Variants in ATP2B2 observed in about 807,000 individuals in gnomAD.
ATP2B2 encodes the protein plasma membrane calcium-transporting ATPase 2.
In ATP2B2, 15 loss-of-function variants were observed where a neutral mutation model predicts 120.0. The ratio of observed to expected loss-of-function variants is 0.12; its 90% CI spans 0.08 to 0.19. The LOEUF is 0.19. Among genes scored for constraint, ATP2B2 ranks in the 10% least tolerant of loss-of-function variants. The pLI is 1.00. For missense variants in ATP2B2, 1,045 were observed against 1,719.8 expected, an observed-to-expected ratio of 0.61 and a Z score of 6.94; for synonymous variants, 694 against 700.3, an observed-to-expected ratio of 0.99 and a Z score of 0.14.
chr3:10,579,810 G>GAAAACAAAACAAAAC (rs59097062), intron 2 of ATP2B2, among the ~76,000 whole-genome samples: 30,726 of 146,174 alleles, frequency 0.21, 3,446 homozygotes, highest in East Asian at 0.38. Flanking sequence ...ACTCCGTCTT[G>GAAAACAAAACAAAAC]AAAACAAAAC....
intron 2 of ATP2B2, among the ~76,000 whole-genome samples, chr3:10,545,995 T>C (rs967930310): frequency 2.0e-5 from 3 of 152,206 alleles, no homozygotes; most frequent in African/African-American, 7.2e-5. Context: ...AAACAAGATA[T>C]AAGGGGAAAG....
intron 1 of ATP2B2, among the ~76,000 whole-genome samples, chr3:10,471,364 C>CTGAGTGTGTGTGTGTGTG (rs1221371075): frequency 9.7e-4 from 146 of 150,464 alleles, no homozygotes; most frequent in African/African-American, 2.5e-3. Flanking sequence ...TTCAGGAAAC[C>CTGAGTGTGTGTGTGTGTG]TGTGTGTGTG....
chr3:10,347,240 C>A lies in ATP2B2; in HGVS notation c.2405-1103G>T, dbSNP rs1190243374. Among the ~76,000 whole-genome samples, 1 of 152,246 alleles carries A rather than the reference C, an allele frequency of 6.6e-6. No individual in the cohort carries two copies. Among genetic ancestry groups the A allele is most frequent in the African/African-American group, 2.4e-5 (1 of 41,466 alleles). On this transcript the variant is annotated intron_variant, in intron 16 of 22. Transcript: ENST00000360273. The surrounding 1 kb of genome is among the most constrained non-coding windows in gnomAD (Gnocchi z 5.2). The stretch of plus-strand genomic sequence containing the variant: ...TACGGTCCCACAGAGCTAGCTCTCA[C>A]TGGCCCTGTGTCTGGGCAGGCTGTT...
intron 2 of ATP2B2, among the ~76,000 whole-genome samples, chr3:10,571,657 G>C (rs1182106084): frequency 6.6e-6 from 1 of 152,192 alleles, no homozygotes; most frequent in Admixed American, 6.5e-5. Flanking sequence ...GCTTTGGATG[G>C]GCTTGGAAGG....
intron 2 of ATP2B2, among the ~76,000 whole-genome samples, chr3:10,444,595 C>T (rs943168121): frequency 5.3e-5 from 8 of 152,358 alleles, no homozygotes; most frequent in African/African-American, 1.9e-4. Context: ...CACCCTGCTG[C>T]CGCCCCATCT....
chr3:10,662,514 G>A (rs2070812962), intron 1 of ATP2B2, among the ~76,000 whole-genome samples: 2 of 138,968 alleles, frequency 1.4e-5, no homozygotes, highest in East Asian at 2.2e-4. Flanking sequence ...CTGGCCATCA[G>A]AGAAATGCAA....
At position 10,373,763 on chromosome 3, in the gene ATP2B2, T is replaced by C. The variant is rs1276754432; in HGVS notation, c.1416+1667A>G. Among the ~76,000 whole-genome samples the C allele has an allele frequency of 2.0e-5, 3 of 152,190 alleles. 1 individual carries two copies. Among genetic ancestry groups the C allele is most frequent in the Non-Finnish European group, 4.4e-5 (3 of 68,026 alleles). On this transcript the variant is annotated intron_variant, in intron 11 of 22. Coordinates refer to ENST00000360273, the MANE Select transcript of ATP2B2 (RefSeq NM_001001331.4). Reference sequence around the variant, plus strand: ...AAAAAATTATTTTATTTTGTAGAGATGGGGTCTCACTATTTGCCCAAGCTG... The same window carrying C: ...AAAAAATTATTTTATTTTGTAGAGACGGGGTCTCACTATTTGCCCAAGCTG...
chr3:10,678,676 C>T (rs745798661), intron 1 of ATP2B2, among the ~76,000 whole-genome samples: 1 of 152,144 alleles, frequency 6.6e-6, no homozygotes, highest in Non-Finnish European at 1.5e-5. Context: ...ATTGGGATCC[C>T]GGCCCCACCT....
At chr3:10,652,588 C>T (rs1040781165) in intron 1 of ATP2B2, among the ~76,000 whole-genome samples, 1 of 152,168 alleles carries the variant, frequency 6.6e-6, no homozygotes, top group Non-Finnish European at 1.5e-5. Context: ...CCACGTGATA[C>T]AGCAATCCCA....
intron 2 of ATP2B2, among the ~76,000 whole-genome samples, chr3:10,570,963 G>C (rs190120039): frequency 6.6e-6 from 1 of 152,368 alleles, no homozygotes; most frequent in East Asian, 1.9e-4. Context: ...CACAAGGAAA[G>C]CTAGGTTTAA....
chr3:10,487,394 G>C (rs1214295012), intron 1 of ATP2B2, among the ~76,000 whole-genome samples: 4 of 152,142 alleles, frequency 2.6e-5, no homozygotes, highest in African/African-American at 9.7e-5. Context: ...GGGTTACCAG[G>C]GTCATGAGTC....
At chr3:10,430,770 T>C (rs543239590) in intron 2 of ATP2B2, among the ~76,000 whole-genome samples, 2 of 150,200 alleles carry the variant, frequency 1.3e-5, no homozygotes, top group African/African-American at 4.9e-5. Flanking sequence ...AAGAGGCCAC[T>C]GAGTGTCCAG....
intron 1 of ATP2B2, among the ~76,000 whole-genome samples, chr3:10,657,871 C>T (rs980800833): frequency 4.6e-5 from 7 of 152,236 alleles, no homozygotes; most frequent in Non-Finnish European, 8.8e-5. Context: ...TGACACCTCA[C>T]ACAGCTGGGT....
At chr3:10,386,441 T>A in intron 7 of ATP2B2, 39 bp downstream of exon 7, 1 of 1,608,072 alleles carries the variant, frequency 6.2e-7, no homozygotes, top group African/African-American at 1.3e-5. Flanking sequence ...CTGCTGCTAT[T>A]TCTAAAAGCC....
chr3:10,682,491 C>T (rs141402859), intron 1 of ATP2B2, among the ~76,000 whole-genome samples: 169 of 152,326 alleles, frequency 1.1e-3, no homozygotes, highest in African/African-American at 4.0e-3. Context: ...AGTGACAATG[C>T]TTCTCTTGTA....
At chr3:10,392,187 G>A (rs917943776) in intron 5 of ATP2B2, among the ~76,000 whole-genome samples, 2 of 152,166 alleles carry the variant, frequency 1.3e-5, no homozygotes, top group Non-Finnish European at 2.9e-5. Flanking sequence ...CGCACAGCCT[G>A]GTTTGGAGCT....
At chr3:10,657,984 C>T (rs2070681451) in intron 1 of ATP2B2, among the ~76,000 whole-genome samples, 1 of 152,224 alleles carries the variant, frequency 6.6e-6, no homozygotes, top group Non-Finnish European at 1.5e-5. Context: ...CCCAGGCAAA[C>T]AGGGTCTGGA....
intron 1 of ATP2B2, among the ~76,000 whole-genome samples, chr3:10,663,637 C>T (rs113111533): frequency 1.3e-5 from 2 of 152,184 alleles, no homozygotes; most frequent in African/African-American, 4.8e-5. Flanking sequence ...CCTCTGGGGG[C>T]CTGCTAGAGA....
At chr3:10,581,727 ACTC>A (rs1352909534) in intron 2 of ATP2B2, among the ~76,000 whole-genome samples, 1 of 151,718 alleles carries the variant, frequency 6.6e-6, no homozygotes, top group African/African-American at 2.4e-5. Context: ...GTTGGAAAAA[ACTC>A]CTCCAAGGGC....
Sources: allele counts gnomAD v4.1 joint callset (sites outside exome capture counted in the v4.1 genomes callset), GRCh38; gene constraint gnomAD v4.1.1; non-coding constraint Gnocchi (gnomAD v3.1); transcripts MANE v1.5; gene names NCBI Gene and HGNC (gene_info 2026-07-23, HGNC 2026-07-21).